Variants in DNMBP observed in about 807,000 individuals in gnomAD.
DNMBP encodes the protein dynamin binding protein.
In DNMBP, 87 loss-of-function variants were observed where a neutral mutation model predicts 150.0. The observed-to-expected ratio is 0.58, with a 90% CI of 0.49 to 0.69. The LOEUF (loss-of-function observed/expected upper bound fraction) is 0.69, where lower values mean the gene tolerates loss of function less well. DNMBP is among the 30% of genes least tolerant of loss of function. The pLI, the probability that DNMBP is intolerant of heterozygous loss-of-function variation, is 0.00. For synonymous variants in DNMBP, 711 were observed against 750.4 expected, an observed-to-expected ratio of 0.95 and a Z score of 0.86; for missense variants, 1,774 against 1,949.0, an observed-to-expected ratio of 0.91 and a Z score of 1.69.
chr10:99,999,391 G>A (rs938786256), intron 1 of DNMBP, among the ~76,000 whole-genome samples: 1 of 152,156 alleles, frequency 6.6e-6, no homozygotes, highest in Non-Finnish European at 1.5e-5. Context: ...CACCTTCCTC[G>A]TAAAATCATT....
chr10:99,955,239 C>A lies in DNMBP; in HGVS notation c.2235G>T (p.Leu745Phe). 1 of 1,613,630 alleles carries A rather than the reference C, an allele frequency of 6.2e-7. No homozygotes were observed. Among genetic ancestry groups the A allele is most frequent in the South Asian group, 1.1e-5 (1 of 90,998 alleles). ...LKFCESNIES[L>F]NMELQQLREM... The stretch of plus-strand genomic sequence containing the variant: ...CTCTTAGTTGCTGGAGTTCCATATT[C>A]AAACTTTCAATGTTACTTTCACAGA... Residue 745 changes from leucine (L) to phenylalanine (F), a missense_variant, in exon 4 of 17, where the codon TTG (leucine) becomes TTT (phenylalanine). Around this residue, in one of 2 missense-constraint regions of DNMBP, gnomAD observed 1,430 missense variants for 1,492.5 expected, o/e 0.96. Coordinates refer to ENST00000324109, the MANE Select transcript of DNMBP (RefSeq NM_015221.4).
At chr10:99,880,394 T>TC in intron 15 of DNMBP, 33 bp from the exon 16 acceptor site, 1 of 1,515,718 alleles carries the variant, frequency 6.6e-7, no homozygotes, top group Non-Finnish European at 8.8e-7. Context: ...AAACAAGAAC[T>TC]CTTAGCAGAA....
chr10:99,924,926 T>C (rs796997036), intron 4 of DNMBP, among the ~76,000 whole-genome samples: 4 of 152,332 alleles, frequency 2.6e-5, no homozygotes, highest in African/African-American at 9.6e-5. Flanking sequence ...GTCCCAACTT[T>C]TAAGGGACTG....
chr10:99,902,223 T>C (rs115472290), intron 6 of DNMBP, among the ~76,000 whole-genome samples: 125 of 151,892 alleles, frequency 8.2e-4, no homozygotes, highest in African/African-American at 2.9e-3. Flanking sequence ...TTTTCCTTAA[T>C]GTATAACTCC....
At position 99,956,258 on chromosome 10, in the gene DNMBP, T is replaced by C. The variant is rs756538401; in HGVS notation, c.1216A>G (p.Thr406Ala). The C allele has an allele frequency of 1.2e-6, 2 of 1,613,350 alleles. No individual in the cohort carries two copies. The highest frequency in any genetic ancestry group is 1.7e-5 in the Admixed American group (1 of 59,902). ...GAGGAAATACCATTGACTACTTCTG[T>C]AGGGTCAGATGTGGGAGAGTCTGTG... is the stretch of plus-strand genomic sequence containing the variant. ...LATDSPTSDP[T>A]EVVNGISSQP... The change falls in exon 4 of 17, where the codon ACA (threonine) becomes GCA (alanine). Residue 406 changes from threonine to alanine, a missense_variant. By Grantham distance (58) the Thr-to-Ala change is moderately conservative (BLOSUM62 0). Transcript: ENST00000324109.
At chr10:99,891,149 A>T (rs1271993361) in intron 11 of DNMBP, among the ~76,000 whole-genome samples, 7 of 149,352 alleles carry the variant, frequency 4.7e-5, no homozygotes, top group African/African-American at 1.7e-4. Flanking sequence ...AAGTACTAGA[A>T]CTCCCTCTCC....
At chr10:99,899,366 C>T (rs1390765221) in intron 7 of DNMBP, among the ~76,000 whole-genome samples, 1 of 152,092 alleles carries the variant, frequency 6.6e-6, no homozygotes, top group African/African-American at 2.4e-5. Context: ...CTTTGGGAGG[C>T]CGAGGCAGGC....
chr10:99,975,914 T>C (rs145485277), intron 1 of DNMBP, among the ~76,000 whole-genome samples: 84 of 152,336 alleles, frequency 5.5e-4, no homozygotes, highest in Non-Finnish European at 3.8e-4. Flanking sequence ...GGTACATGCA[T>C]TTACCATGTA....
chr10:99,878,134 G>A (rs187476488), intron 16 of DNMBP, among the ~76,000 whole-genome samples: 40 of 152,286 alleles, frequency 2.6e-4, no homozygotes, highest in Non-Finnish European at 5.0e-4. Flanking sequence ...TTTTAGAATT[G>A]CTTTAAAGGG....
At chr10:99,954,996 T>C (rs1248799750) in intron 4 of DNMBP, among the ~76,000 whole-genome samples, 6 of 148,080 alleles carry the variant, frequency 4.1e-5, no homozygotes, top group Non-Finnish European at 8.9e-5. Context: ...GAGGCTGCAG[T>C]GAGCCAAGTT....
chr10:99,998,554 T>C (rs935679243), intron 1 of DNMBP, among the ~76,000 whole-genome samples: 1 of 132,670 alleles, frequency 7.5e-6, no homozygotes, highest in African/African-American at 3.0e-5. Context: ...CACTCCAGTT[T>C]GGGTGACAGA....
chr10:99,996,029 T>G (rs918486055), intron 1 of DNMBP, among the ~76,000 whole-genome samples: 1 of 152,244 alleles, frequency 6.6e-6, no homozygotes, highest in African/African-American at 2.4e-5. Context: ...GTTGTGAACA[T>G]GAAGTGCTAT....
At chr10:99,936,343 G>A (rs890845775) in intron 4 of DNMBP, among the ~76,000 whole-genome samples, 2 of 151,972 alleles carry the variant, frequency 1.3e-5, no homozygotes, top group Non-Finnish European at 2.9e-5. Flanking sequence ...CTGAAAATTG[G>A]TTATTTTCAA....
rs1286764243 is a variant in DNMBP, at chr10:99,928,851, T to A, written c.2261-19705A>T. Among the ~76,000 whole-genome samples, 3 of 150,302 alleles carry A rather than the reference T, an allele frequency of 2.0e-5. No individual in the cohort carries two copies. The East Asian group carries it at 5.8e-4, about 29-fold the overall frequency. On this transcript the variant is annotated intron_variant, in intron 4 of 16. Transcript: ENST00000324109. ...TGAAAGGAGCGGTAAAAAAAAAAAATTAAAATGAAGGCCTGGCAATGGTGG... is the reference window on the plus strand; with the variant it reads ...TGAAAGGAGCGGTAAAAAAAAAAAAATAAAATGAAGGCCTGGCAATGGTGG...
chr10:99,912,670 C>G (rs775318544), intron 4 of DNMBP, among the ~76,000 whole-genome samples: 1 of 152,100 alleles, frequency 6.6e-6, no homozygotes, highest in Non-Finnish European at 1.5e-5. Context: ...TAATAAAACC[C>G]TAGGTGTTTC....
intron 1 of DNMBP, among the ~76,000 whole-genome samples, chr10:100,007,421 A>ACAGGTGTTCCTCCT (rs1174219433): frequency 6.6e-6 from 1 of 152,186 alleles, no homozygotes; most frequent in African/African-American, 2.4e-5. Context: ...ACAAGCACAT[A>ACAGGTGTTCCTCCT]CAGGTGTTCC....
chr10:99,903,523 G>A (rs541193084), intron 6 of DNMBP, among the ~76,000 whole-genome samples: 2 of 152,096 alleles, frequency 1.3e-5, no homozygotes, highest in East Asian at 3.9e-4. Flanking sequence ...TGTAGGGATG[G>A]TGTTTCACCT....
intron 1 of DNMBP, among the ~76,000 whole-genome samples, chr10:99,996,330 G>A (rs1322721139): frequency 6.6e-6 from 1 of 152,104 alleles, no homozygotes. Flanking sequence ...AGACCAGCCT[G>A]GCCAAAATGG....
chr10:99,983,373 G>A (rs762806349), intron 1 of DNMBP, among the ~76,000 whole-genome samples: 6 of 152,166 alleles, frequency 3.9e-5, no homozygotes, highest in South Asian at 2.1e-4. Context: ...ATGAAAGGAC[G>A]AGAGGTGTCA....
Sources: gnomAD v4.1 joint callset for allele counts (sites outside exome capture counted in the v4.1 genomes callset) on GRCh38, gnomAD v4.1.1 for gene constraint, gnomAD v4.1.1 regional missense constraint, MANE v1.5 for transcripts, NCBI Gene and HGNC (gene_info 2026-07-23, HGNC 2026-07-21) for gene names.